Variants in ARID4B observed in about 807,000 individuals in gnomAD.
ARID4B encodes AT-rich interaction domain 4B, also known as AT-rich interactive domain-containing protein 4B.
A neutral mutation model predicts 147.5 loss-of-function variants in ARID4B; 26 were observed. The observed-to-expected ratio is 0.18, with a 90% confidence interval of 0.13 to 0.24. The LOEUF (loss-of-function observed/expected upper bound fraction) is 0.24. Among genes scored for constraint, ARID4B ranks in the 10% least tolerant of loss-of-function variants. ARID4B has a pLI of 1.00. For synonymous variants in ARID4B, 512 were observed against 507.9 expected, an observed-to-expected ratio of 1.01 and a Z score of -0.11; for missense variants, 1,179 against 1,511.5, an observed-to-expected ratio of 0.78 and a Z score of 3.65.
intron 17 of ARID4B, among the ~76,000 whole-genome samples, chr1:235,203,529 A>G (rs983622787): frequency 2.0e-5 from 3 of 152,208 alleles, no homozygotes; most frequent in African/African-American, 7.2e-5. Flanking sequence ...ATATGTATAG[A>G]TAAGATAAAA....
At chr1:235,249,625 C>T (rs1268995409) in intron 6 of ARID4B, among the ~76,000 whole-genome samples, 1 of 151,850 alleles carries the variant, frequency 6.6e-6, no homozygotes, top group Non-Finnish European at 1.5e-5. Flanking sequence ...AAAACCCTGT[C>T]TCTACTAACA....
intron 8 of ARID4B, among the ~76,000 whole-genome samples, chr1:235,238,273 A>C (rs1386903559): frequency 6.6e-6 from 1 of 152,176 alleles, no homozygotes; most frequent in Non-Finnish European, 1.5e-5. Context: ...GTATATGATA[A>C]ATGCATACCT....
At chr1:235,195,986 C>G in intron 18 of ARID4B, 45 bp downstream of exon 18, 2 of 1,207,418 alleles carry the variant, frequency 1.7e-6, no homozygotes, top group Non-Finnish European at 2.4e-6. Context: ...TGGAGGAAAA[C>G]TTCTTTTTAA....
chr1:235,258,469 A>C (rs141730050), intron 3 of ARID4B, among the ~76,000 whole-genome samples: 1 of 152,344 alleles, frequency 6.6e-6, no homozygotes, highest in East Asian at 1.9e-4. Flanking sequence ...ATCATTACAG[A>C]AATCAGAGAA....
At chr1:235,216,310 TACACACAC>T (rs71576467) in intron 16 of ARID4B, among the ~76,000 whole-genome samples, 2 of 149,202 alleles carry the variant, frequency 1.3e-5, no homozygotes, top group African/African-American at 4.9e-5. Flanking sequence ...TATATATGTA[TACACACAC>T]ACACACACAC....
chr1:235,276,039 G>A (rs1490291437), intron 2 of ARID4B, among the ~76,000 whole-genome samples: 1 of 152,124 alleles, frequency 6.6e-6, no homozygotes, highest in Non-Finnish European at 1.5e-5. Context: ...TGAGGGGGCT[G>A]AGGCAGAAGG....
intron 2 of ARID4B, among the ~76,000 whole-genome samples, chr1:235,276,949 G>A (rs1000591676): frequency 1.4e-4 from 21 of 149,218 alleles, no homozygotes; most frequent in South Asian, 1.1e-3. Flanking sequence ...GCAGTGAGTC[G>A]AGATTGTGCA....
chr1:235,304,373 G>A (rs1673399994), intron 2 of ARID4B, among the ~76,000 whole-genome samples: 1 of 150,760 alleles, frequency 6.6e-6, no homozygotes, highest in East Asian at 2.2e-4. Context: ...GAAAAGAAAT[G>A]ACAACATTAA....
chr1:235,176,552 T>C (rs1663898149), intron 21 of ARID4B, among the ~76,000 whole-genome samples: 1 of 140,346 alleles, frequency 7.1e-6, no homozygotes, highest in Admixed American at 7.5e-5. Flanking sequence ...ATTTTGGGAA[T>C]AAAGAAACTC....
chr1:235,254,468 C>A (rs1669826492), intron 5 of ARID4B, among the ~76,000 whole-genome samples: 1 of 150,938 alleles, frequency 6.6e-6, no homozygotes, highest in Non-Finnish European at 1.5e-5. Flanking sequence ...GTTTGTAAAA[C>A]AAAAATAAAA....
At chr1:235,290,080 A>C (rs1198518863) in intron 2 of ARID4B, among the ~76,000 whole-genome samples, 1 of 151,986 alleles carries the variant, frequency 6.6e-6, no homozygotes, top group Non-Finnish European at 1.5e-5. Context: ...ATTGGCAAAA[A>C]TTCAGAAATT....
At position 235,169,532 on chromosome 1, in the gene ARID4B, C is replaced by T. The variant is rs188365722; in HGVS notation, c.3812-880G>A. Among the ~76,000 whole-genome samples, 27 of 147,912 alleles carry T rather than the reference C, an allele frequency of 1.8e-4. No individual in the cohort carries two copies. In the East Asian group the frequency reaches 2.7e-3, roughly 15 times the overall value. Reference sequence around the variant, plus strand: ...CCGGGATTACAGGTGTGAGCCACCGCGCCCAGCCTGTTTGTTTTTTTGAGA... The same window carrying T: ...CCGGGATTACAGGTGTGAGCCACCGTGCCCAGCCTGTTTGTTTTTTTGAGA... On this transcript the variant is annotated intron_variant, in intron 23 of 23. Coordinates refer to ENST00000264183, the MANE Select transcript of ARID4B (RefSeq NM_016374.6).
chr1:235,188,144 T>C (rs560559861), intron 19 of ARID4B, among the ~76,000 whole-genome samples: 18 of 152,168 alleles, frequency 1.2e-4, no homozygotes, highest in East Asian at 7.7e-4. Flanking sequence ...GTTATATGTA[T>C]GTGTGTGTGT....
intron 17 of ARID4B, among the ~76,000 whole-genome samples, chr1:235,196,928 G>GAA (rs34045570): frequency 3.8e-4 from 56 of 145,796 alleles, no homozygotes; most frequent in East Asian, 2.0e-3. Context: ...AAATCAACTA[G>GAA]AAAAAAAAAA....
rs1215456764 is a variant in ARID4B at position 235,173,769 on chromosome 1, AAAATATATATATATATATATATATAT to A, written c.3665-1031_3665-1006del. ...AAAAAAAAAAAAAAAAAAAAAAAAA[AAAATATATATATATATATATATATAT>A]ATATATATATATATATATGTATACC... is the stretch of plus-strand genomic sequence containing the variant. On this transcript the variant is annotated intron_variant, in intron 22 of 23. Coordinates refer to ENST00000264183, the MANE Select transcript of ARID4B (RefSeq NM_016374.6). Among the ~76,000 whole-genome samples, 8 of 38,154 alleles carry A rather than the reference AAAATATATATATATATATATATATAT, an allele frequency of 2.1e-4. No homozygotes were observed. In the Admixed American group the frequency reaches 2.3e-3, roughly 11 times the overall value. 25.0% of individuals were successfully genotyped at this position (38,154 alleles called of 152,430 possible).
chr1:235,174,765 CTA>C (rs775367629), intron 22 of ARID4B, among the ~76,000 whole-genome samples: 10 of 151,652 alleles, frequency 6.6e-5, no homozygotes, highest in Non-Finnish European at 1.5e-4. Flanking sequence ...TGAGCAGAGA[CTA>C]TGCCACTGCA....
At chr1:235,189,805 C>G (rs1664962631) in intron 19 of ARID4B, among the ~76,000 whole-genome samples, 1 of 152,008 alleles carries the variant, frequency 6.6e-6, no homozygotes. Context: ...CTTTGGGAGG[C>G]TGAGACAGGA....
intron 19 of ARID4B, among the ~76,000 whole-genome samples, chr1:235,184,434 A>G (rs1664533311): frequency 6.6e-6 from 1 of 152,100 alleles, no homozygotes; most frequent in South Asian, 2.1e-4. Flanking sequence ...CAACACAACA[A>G]AACAAAGCAA....
chr1:235,230,339 G>C (rs189315415), intron 10 of ARID4B, among the ~76,000 whole-genome samples: 3 of 151,250 alleles, frequency 2.0e-5, no homozygotes, highest in Non-Finnish European at 4.4e-5. Flanking sequence ...GCTTGAACCC[G>C]GGAGGTGGAG....
Sources: gnomAD v4.1 joint callset for allele counts (sites outside exome capture counted in the v4.1 genomes callset) on GRCh38, gnomAD v4.1.1 for gene constraint, MANE v1.5 for transcripts, NCBI Gene and HGNC (gene_info 2026-07-23, HGNC 2026-07-21) for gene names.